The following TAFA2 variants were observed in gnomAD, a reference collection of about 807,000 sequenced individuals.
TAFA2 encodes chemokine-like protein TAFA-2.
A neutral mutation model predicts 18.8 loss-of-function variants in TAFA2; 7 were observed. That is an observed-to-expected ratio of 0.37 (90% CI 0.21 to 0.70). TAFA2 has a LOEUF of 0.70. TAFA2 is among the 30% of genes least tolerant of loss of function. TAFA2 has a pLI of 0.53. For synonymous variants in TAFA2, 60 were observed against 54.2 expected, an observed-to-expected ratio of 1.11 and a Z score of -0.47; for missense variants, 122 against 158.1, an observed-to-expected ratio of 0.77 and a Z score of 1.23.
intron 1 of TAFA2, among the ~76,000 whole-genome samples, chr12:62,133,109 A>C (rs1870755615): frequency 6.6e-6 from 1 of 151,970 alleles, no homozygotes; most frequent in African/African-American, 2.4e-5. Context: ...ATTTTGACAC[A>C]CAGGCACCCC....
chr12:62,177,137 G>A (rs1174446828), intron 1 of TAFA2, among the ~76,000 whole-genome samples: 1 of 152,198 alleles, frequency 6.6e-6, no homozygotes, highest in Non-Finnish European at 1.5e-5. Context: ...GACAACAGGG[G>A]GGAAACCTTC....
intron 1 of TAFA2, among the ~76,000 whole-genome samples, chr12:62,016,669 C>T (rs185585485): frequency 1.1e-3 from 175 of 152,262 alleles, no homozygotes; most frequent in Admixed American, 2.2e-3. Context: ...AACATTCCTC[C>T]GAGCCCTTCT....
intron 2 of TAFA2, among the ~76,000 whole-genome samples, chr12:61,795,452 C>T (rs561631686): frequency 0.024 from 3,668 of 151,950 alleles, 145 homozygotes; most frequent in African/African-American, 0.084. Context: ...AAGCTGGAAA[C>T]CATCATTCTC....
rs533655870 is a variant in TAFA2, at chr12:61,729,702, C to T, written c.385-19285G>A. Among the ~76,000 whole-genome samples the T allele has an allele frequency of 5.9e-5, 9 of 151,952 alleles. No individual in the cohort carries two copies. In the East Asian group the frequency reaches 1.6e-3, roughly 26 times the overall value. On this transcript the variant is annotated intron_variant, in intron 4 of 4. Transcript: ENST00000416284. ...CTCCTAAAGTAGCTTAATAATTGACCTTCTGAATTCTTTTTCTGGCAATTC... is the reference window on the plus strand; with the variant it reads ...CTCCTAAAGTAGCTTAATAATTGACTTTCTGAATTCTTTTTCTGGCAATTC...
chr12:62,102,967 T>C (rs1008201576), intron 1 of TAFA2, among the ~76,000 whole-genome samples: 2 of 152,194 alleles, frequency 1.3e-5, no homozygotes, highest in African/African-American at 2.4e-5. Context: ...CCACATATAT[T>C]CTGGGTAGTA....
chr12:62,036,814 T>C (rs1881624360), intron 1 of TAFA2, among the ~76,000 whole-genome samples: 1 of 152,216 alleles, frequency 6.6e-6, no homozygotes, highest in Non-Finnish European at 1.5e-5. Context: ...CCAGAAGCAG[T>C]AATTCTGTTT....
chr12:62,226,195 T>G (rs912204695), intron 1 of TAFA2, among the ~76,000 whole-genome samples: 1 of 70,328 alleles, frequency 1.4e-5, no homozygotes, highest in Non-Finnish European at 2.9e-5. Flanking sequence ...TTGATTACTC[T>G]TTTTTTTTTT....
chr12:61,930,218 T>C (rs990321381), intron 1 of TAFA2, among the ~76,000 whole-genome samples: 2 of 151,992 alleles, frequency 1.3e-5, no homozygotes, highest in African/African-American at 4.8e-5. Context: ...CTTGAATCTG[T>C]TTACACAAAA....
intron 1 of TAFA2, among the ~76,000 whole-genome samples, chr12:62,148,767 GAGTA>G (rs540339883): frequency 3.1e-4 from 47 of 152,228 alleles, no homozygotes; most frequent in Non-Finnish European, 5.3e-4. Flanking sequence ...CACTAATCTT[GAGTA>G]ACCTTAAAGA....
chr12:62,195,861 G>C (rs2062646678), upstream of TAFA2, among the ~76,000 whole-genome samples: 1 of 152,152 alleles, frequency 6.6e-6, no homozygotes, highest in African/African-American at 2.4e-5. Flanking sequence ...CCTCTAACAA[G>C]AGAGTCATCC....
chr12:62,243,477 A>C (rs1295561838), intron 1 of TAFA2, among the ~76,000 whole-genome samples: 3 of 152,238 alleles, frequency 2.0e-5, no homozygotes, highest in Non-Finnish European at 4.4e-5. Context: ...GCAACAATAC[A>C]TACTCATGAC....
At chr12:62,030,711 T>C (rs997934629) in intron 1 of TAFA2, among the ~76,000 whole-genome samples, 5 of 152,108 alleles carry the variant, frequency 3.3e-5, no homozygotes, top group African/African-American at 9.7e-5. Context: ...CTGAAAATGG[T>C]CCATGGACTC....
intron 1 of TAFA2, among the ~76,000 whole-genome samples, chr12:62,027,235 G>GA (rs1881334352): frequency 6.6e-6 from 1 of 152,076 alleles, no homozygotes; most frequent in South Asian, 2.1e-4. Context: ...ATGCACTTGT[G>GA]TGATTGCAAG....
chr12:62,198,759 A>G (rs1369870961), intron 1 of TAFA2, among the ~76,000 whole-genome samples: 1 of 152,210 alleles, frequency 6.6e-6, no homozygotes, highest in Non-Finnish European at 1.5e-5. Context: ...ACCCAAGGTT[A>G]CATGCATGTT....
chr12:62,140,409 A>G (rs188499531), intron 1 of TAFA2: 17 of 152,284 alleles, frequency 1.1e-4, no homozygotes, highest in Admixed American at 9.8e-4. Flanking sequence ...GGTGCTATCC[A>G]TATCTGGTGA....
intron 2 of TAFA2, among the ~76,000 whole-genome samples, chr12:61,830,014 A>C (rs1872659028): frequency 6.6e-6 from 1 of 151,310 alleles, no homozygotes; most frequent in South Asian, 2.1e-4. Flanking sequence ...CCTGTGCTAT[A>C]ATGTCAACAA....
intron 1 of TAFA2, among the ~76,000 whole-genome samples, chr12:62,207,957 A>G (rs933149468): frequency 1.3e-5 from 2 of 152,180 alleles, no homozygotes; most frequent in Admixed American, 6.5e-5. Flanking sequence ...GGTCTTTAAT[A>G]TCTAGACATC....
At chr12:61,865,300 T>G (rs573996628) in intron 2 of TAFA2, among the ~76,000 whole-genome samples, 2 of 152,258 alleles carry the variant, frequency 1.3e-5, no homozygotes, top group Admixed American at 1.3e-4. Flanking sequence ...AGCACACTAG[T>G]AATCATTTTA....
intron 1 of TAFA2, among the ~76,000 whole-genome samples, chr12:62,029,318 A>T (rs566685587): frequency 4.6e-5 from 7 of 152,276 alleles, no homozygotes; most frequent in African/African-American, 1.7e-4. Context: ...TGCTGGACAG[A>T]TTTAACTACA....
Sources: gnomAD v4.1 joint callset for allele counts (sites outside exome capture counted in the v4.1 genomes callset) on GRCh38, gnomAD v4.1.1 for gene constraint, MANE v1.5 for transcripts, NCBI Gene and HGNC (gene_info 2026-07-23, HGNC 2026-07-21) for gene names.